Variants in NT5DC1 observed in about 807,000 individuals in gnomAD.
The protein encoded by NT5DC1 is 5'-nucleotidase domain containing 1, also known as 5'-nucleotidase domain-containing protein 1.
A neutral mutation model predicts 59.4 loss-of-function variants in NT5DC1; 42 were observed. The ratio of observed to expected loss-of-function variants is 0.71; its 90% CI spans 0.55 to 0.92. NT5DC1 has a LOEUF of 0.92. NT5DC1 is among the 40% of genes least tolerant of loss of function. The pLI is 0.00. For synonymous variants in NT5DC1, 172 were observed against 188.1 expected, an observed-to-expected ratio of 0.91 and a Z score of 0.70; for missense variants, 501 against 537.1, an observed-to-expected ratio of 0.93 and a Z score of 0.66.
chr6:116,167,568 C>G (rs1020898337), intron 6 of NT5DC1, among the ~76,000 whole-genome samples: 3 of 152,114 alleles, frequency 2.0e-5, no homozygotes, highest in Admixed American at 6.6e-5. Flanking sequence ...GTTATTTGTA[C>G]TGATTTCATT....
chr6:116,202,347 C>T (rs1781367235), intron 6 of NT5DC1, among the ~76,000 whole-genome samples: 1 of 151,900 alleles, frequency 6.6e-6, no homozygotes, highest in African/African-American at 2.4e-5. Context: ...AATTTTGGCC[C>T]ACTTAAATCT....
intron 6 of NT5DC1, among the ~76,000 whole-genome samples, chr6:116,168,128 A>G (rs1335626316): frequency 6.9e-6 from 1 of 144,000 alleles, no homozygotes; most frequent in East Asian, 2.0e-4. Flanking sequence ...GGCTTCTCAG[A>G]TATTCACTTA....
intron 11 of NT5DC1, among the ~76,000 whole-genome samples, chr6:116,243,163 A>G (rs1771769582): frequency 6.6e-6 from 1 of 152,162 alleles, no homozygotes; most frequent in Non-Finnish European, 1.5e-5. Context: ...GAAAGTTGCC[A>G]TGTTGTATGT....
chr6:116,120,916 C>A, intron 6 of NT5DC1: 1 of 1,613,930 alleles, frequency 6.2e-7, no homozygotes, highest in Non-Finnish European at 8.5e-7. Context: ...CTGGGTTACC[C>A]TTAGGACCAT....
At chr6:116,177,539 G>C (rs1170732500) in intron 6 of NT5DC1, among the ~76,000 whole-genome samples, 1 of 152,000 alleles carries the variant, frequency 6.6e-6, no homozygotes, top group Non-Finnish European at 1.5e-5. Flanking sequence ...GTAAAATATA[G>C]TTTAAGTAAA....
At chr6:116,178,133 G>T (rs973251024) in intron 6 of NT5DC1, among the ~76,000 whole-genome samples, 5 of 146,068 alleles carry the variant, frequency 3.4e-5, no homozygotes, top group Admixed American at 6.9e-5. Flanking sequence ...GTGTGTGTGT[G>T]TTTACTAGTG....
chr6:116,238,230 C>T lies in NT5DC1; in HGVS notation c.965C>T (p.Ala322Val). The change falls in exon 10 of 12, where the codon GCT becomes GTT. Residue 322 changes from alanine to valine, a missense_variant. By Grantham distance (64) the Ala-to-Val change is moderately conservative. Coordinates refer to ENST00000319550, the MANE Select transcript of NT5DC1 (RefSeq NM_152729.3). ...GDSMHSDIFP[A>V]RHYSNWETVL... ...AGCATGCATTCAGATATTTTCCCAG[C>T]TCGTCACTATAGTAATTGGGAGACA... 2 of 1,612,034 alleles carry T rather than the reference C, an allele frequency of 1.2e-6. No individual in the cohort carries two copies. The highest frequency in any genetic ancestry group is 1.7e-6 in the Non-Finnish European group (2 of 1,178,690).
Position 116,116,006 on chromosome 6 carries a change from A to G in NT5DC1, c.444+236A>G, listed in dbSNP as rs528526232. ...AACCTATTCTCCAGCAGAGGGGGCA[A>G]AAGTTTAGAAAAAGAAAAGAAATAC... On this transcript the variant is annotated intron_variant, in intron 5 of 11. Transcript: ENST00000319550. 2.0e-4 allele frequency among the ~76,000 whole-genome samples: 30 copies of G among 152,172 alleles called. 1 individual carries two copies. The highest frequency in any genetic ancestry group is 4.4e-4 in the Non-Finnish European group (30 of 68,034).
chr6:116,184,125 G>T (rs945283226), intron 6 of NT5DC1, among the ~76,000 whole-genome samples: 2 of 151,964 alleles, frequency 1.3e-5, no homozygotes, highest in African/African-American at 4.8e-5. Flanking sequence ...GCTGGATCTT[G>T]TCAGCTGCCT....
At chr6:116,182,800 G>A (rs758310457) in intron 6 of NT5DC1, among the ~76,000 whole-genome samples, 3 of 152,024 alleles carry the variant, frequency 2.0e-5, no homozygotes, top group Admixed American at 1.3e-4. Context: ...TTTGTTGGAT[G>A]TATAGATTGT....
At chr6:116,127,879 C>G (rs1157312933) in intron 6 of NT5DC1, among the ~76,000 whole-genome samples, 1 of 152,178 alleles carries the variant, frequency 6.6e-6, no homozygotes, top group African/African-American at 2.4e-5. Context: ...ATTTGTTCAT[C>G]TGTGGCTATT....
intron 6 of NT5DC1, among the ~76,000 whole-genome samples, chr6:116,126,671 C>G: frequency 6.6e-6 from 1 of 152,134 alleles, no homozygotes; most frequent in East Asian, 1.9e-4. Flanking sequence ...CCCTTATTCA[C>G]AACACTACGC....
intron 6 of NT5DC1, among the ~76,000 whole-genome samples, chr6:116,131,377 A>C (rs902808866): frequency 2.0e-5 from 3 of 152,190 alleles, no homozygotes; most frequent in Non-Finnish European, 4.4e-5. Context: ...GTTTTGATTT[A>C]TCCTTTTTAT....
chr6:116,174,724 C>G (rs973023712), intron 6 of NT5DC1, among the ~76,000 whole-genome samples: 44 of 152,230 alleles, frequency 2.9e-4, no homozygotes, highest in African/African-American at 1.0e-3. Context: ...CATAACTTTT[C>G]TGAATTTGTA....
At chr6:116,243,385 C>T (rs551903691) in intron 11 of NT5DC1, among the ~76,000 whole-genome samples, 4 of 152,028 alleles carry the variant, frequency 2.6e-5, no homozygotes, top group Non-Finnish European at 4.4e-5. Flanking sequence ...ACATAGAGCT[C>T]GGGATGATTT....
chr6:116,109,866 T>C (rs1039856528), intron 3 of NT5DC1, among the ~76,000 whole-genome samples: 4 of 151,046 alleles, frequency 2.6e-5, no homozygotes, highest in African/African-American at 9.9e-5. Flanking sequence ...ATAAACTACA[T>C]TAACATTTCA....
chr6:116,149,288 A>G (rs1351257315), intron 6 of NT5DC1, among the ~76,000 whole-genome samples: 2 of 152,332 alleles, frequency 1.3e-5, no homozygotes, highest in African/African-American at 4.8e-5. Flanking sequence ...TAGCTTAAGT[A>G]TATGTTTTCA....
intron 6 of NT5DC1, among the ~76,000 whole-genome samples, chr6:116,166,394 A>G (rs995485400): frequency 6.6e-6 from 1 of 152,220 alleles, no homozygotes; most frequent in African/African-American, 2.4e-5. Flanking sequence ...AGTTCTAATT[A>G]AAAACATAAA....
intron 7 of NT5DC1, among the ~76,000 whole-genome samples, chr6:116,221,770 T>C (rs943064322): frequency 6.6e-6 from 1 of 152,228 alleles, no homozygotes; most frequent in African/African-American, 2.4e-5. Context: ...GCAGGTTTTA[T>C]AACCTCTTTA....
Sources: allele counts gnomAD v4.1 joint callset (sites outside exome capture counted in the v4.1 genomes callset), GRCh38; gene constraint gnomAD v4.1.1; transcripts MANE v1.5; gene names NCBI Gene and HGNC (gene_info 2026-07-23, HGNC 2026-07-21).